SLC8B1: variants seen among roughly 807,000 people sequenced by gnomAD.
SLC8B1 encodes the protein mitochondrial sodium/calcium exchanger protein.
SLC8B1 carries 52 observed loss-of-function variants against 63.4 expected under a neutral mutation model. That is an observed-to-expected ratio of 0.82 (90% CI 0.66 to 1.03). SLC8B1 has a LOEUF of 1.03. Among genes scored for constraint, SLC8B1 ranks in the 50% least tolerant of loss-of-function variants. The probability of loss-of-function intolerance (pLI) is 0.00; values close to 1 mark genes in which losing one functional copy is unlikely to be tolerated. For synonymous variants in SLC8B1, 336 were observed against 323.9 expected (o/e 1.04, Z -0.40); for missense variants, 657 against 741.7 (o/e 0.89, Z 1.33).
chr12:113,301,847 G>A (rs374469556), intron 15 of SLC8B1, among the ~76,000 whole-genome samples: 14 of 152,186 alleles, frequency 9.2e-5, no homozygotes, highest in East Asian at 3.9e-4. Context: ...GCAGCACTGG[G>A]CCTGGCACCT....
At position 113,299,709 on chromosome 12, in the gene SLC8B1, T is replaced by G; in HGVS notation, c.*68A>C. On this transcript the variant is annotated 3_prime_UTR_variant, in exon 16 of 16. Transcript: ENST00000680972. Reference sequence around the variant, plus strand: ...GGCCTTGCAGAAATGCTCCGGTCCCTGGGCCTCCCCCGGCAGGAGGGGCGG... The same window carrying G: ...GGCCTTGCAGAAATGCTCCGGTCCCGGGGCCTCCCCCGGCAGGAGGGGCGG... 3 of 1,526,126 alleles carry G rather than the reference T, an allele frequency of 2.0e-6. No homozygotes were observed. Among genetic ancestry groups the G allele is most frequent in the Non-Finnish European group, 2.7e-6 (3 of 1,102,592 alleles). The allele number at this position is 1,526,126 out of a possible 1,614,324, so 94.5% of individuals were successfully genotyped here.
At chr12:113,328,425 AC>A (rs1344692273) in intron 2 of SLC8B1, among the ~76,000 whole-genome samples, 17 of 151,690 alleles carry the variant, frequency 1.1e-4, no homozygotes, top group Non-Finnish European at 2.1e-4. Flanking sequence ...CTGGCCTCCT[AC>A]CCCCAATCTT....
At position 113,305,478 on chromosome 12, in the gene SLC8B1, G is replaced by A. The variant is rs763356214; in HGVS notation, c.1492+1017C>T. Among the ~76,000 whole-genome samples the A allele has an allele frequency of 3.3e-5, 5 of 152,214 alleles. No homozygotes were observed. The highest frequency in any genetic ancestry group is 1.9e-4 in the East Asian group (1 of 5,196). On this transcript the variant is annotated intron_variant, in intron 14 of 15. Coordinates refer to ENST00000680972, the MANE Select transcript of SLC8B1 (RefSeq NM_001358345.2). This position sits in a 1 kb window ranked among gnomAD's most constrained non-coding sequence, Gnocchi z 4.3. ...CAGCCAACAGTATCCACTGCTGGCC[G>A]AATGCCTGCCGTGCGCCAGGCACTG...
At chr12:113,328,031 T>C (rs867183383) in intron 2 of SLC8B1, among the ~76,000 whole-genome samples, 1 of 118,528 alleles carries the variant, frequency 8.4e-6, no homozygotes, top group East Asian at 2.0e-4. Flanking sequence ...TAATTATTTA[T>C]TTATTTATTT....
chr12:113,308,018 G>GT (rs1956700207), intron 12 of SLC8B1, 174 bp from the exon 13 acceptor site: 19 of 722,096 alleles, frequency 2.6e-5, no homozygotes, highest in Non-Finnish European at 3.8e-5. Flanking sequence ...TCAATAAAAC[G>GT]TGAGTTCAAT....
Position 113,305,594 on chromosome 12 carries a change from G to A in SLC8B1, c.1492+901C>T, listed in dbSNP as rs1956659797. Among the ~76,000 whole-genome samples, 1 of 152,200 alleles carries A rather than the reference G, an allele frequency of 6.6e-6. No homozygotes were observed. The highest frequency in any genetic ancestry group is 2.4e-5 in the African/African-American group (1 of 41,440). ...GTCTTTTCTATATAGACCAAAAGTT[G>A]GCAAACATCAGCCCTCCGGCCAAAT... is the stretch of plus-strand genomic sequence containing the variant. On this transcript the variant is annotated intron_variant, in intron 14 of 15. Transcript: ENST00000680972. This position sits in a 1 kb window ranked among gnomAD's most constrained non-coding sequence, Gnocchi z 4.3.
chr12:113,320,973 C>T lies in SLC8B1; in HGVS notation c.363-66G>A. On this transcript the variant is annotated intron_variant, in intron 4 of 15. Transcript: ENST00000680972. This position sits in a 1 kb window ranked among gnomAD's most constrained non-coding sequence, Gnocchi z 5.3. ...CGGCCCCGGACCCCTATCCTTCCCC[C>T]AAACTGAGGGTGACCGAATGTCAGC... The T allele has an allele frequency of 1.9e-6, 3 of 1,590,576 alleles. No individual in the cohort carries two copies. The highest frequency in any genetic ancestry group is 2.6e-6 in the Non-Finnish European group (3 of 1,169,198).
Position 113,310,294 on chromosome 12 carries a change from T to C in SLC8B1, c.1197A>G (p.Thr399=), listed in dbSNP as rs1163018563. 1.2e-6 allele frequency: 2 copies of C among 1,614,128 alleles called. No homozygotes were observed. The highest frequency in any genetic ancestry group is 1.6e-4 in the Middle Eastern group (1 of 6,062). Residue 399 remains threonine (T), a synonymous_variant, in exon 12 of 16, where the codon ACA becomes ACG. Transcript: ENST00000680972. ...PVWVVVVIAG[T]ALASVTFFAT... The stretch of plus-strand genomic sequence containing the variant: ...CAAAAAAGGTCACTGAAGCCAAGGC[T>C]GTGCCTGCGATCACCACCACGACCC...
intron 11 of SLC8B1, among the ~76,000 whole-genome samples, chr12:113,311,126 G>A (rs773893879): frequency 1.2e-4 from 18 of 152,204 alleles, no homozygotes; most frequent in Non-Finnish European, 8.8e-5. Context: ...ACCAGCCTGG[G>A]CAACATGGTG....
intron 9 of SLC8B1, 48 bp from the exon 10 acceptor site, chr12:113,316,704 C>G: frequency 6.2e-7 from 1 of 1,602,290 alleles, no homozygotes; most frequent in Non-Finnish European, 8.5e-7. Context: ...CTGACTTGCT[C>G]TCCAGGAAAC....
chr12:113,328,153 T>C (rs1443568267), intron 2 of SLC8B1, among the ~76,000 whole-genome samples: 1 of 152,110 alleles, frequency 6.6e-6, no homozygotes, highest in African/African-American at 2.4e-5. Flanking sequence ...TACCTCAGCC[T>C]CCTGAGTAGC....
rs564377365 is a variant in SLC8B1 at position 113,321,271 on chromosome 12, C to T, written c.234G>A (p.Gly78=). ...TGCCTTCCAGGTAGTCCAGGTACCCCCCATCACTGTGGCAGTCAGGGTTGG... is the reference window on the plus strand; with the variant it reads ...TGCCTTCCAGGTAGTCCAGGTACCCTCCATCACTGTGGCAGTCAGGGTTGG... ...IRTNPDCHSD[G]GYLDYLEGIF... The change falls in exon 3 of 16, where the codon GGG becomes GGA. Residue 78 remains glycine (G), a synonymous_variant. Coordinates refer to ENST00000680972, the MANE Select transcript of SLC8B1 (RefSeq NM_001358345.2). 5.2e-5 allele frequency: 84 copies of T among 1,614,150 alleles called. 1 individual carries two copies. The Middle Eastern group carries it at 1.6e-3, about 32-fold the overall frequency.
In SLC8B1 at chr12:113,316,519, C is replaced by T; in HGVS notation, c.993+7G>A. 6.2e-7 allele frequency: 1 copy of T among 1,613,430 alleles called. No individual in the cohort carries two copies. On this transcript the variant is annotated splice_region_variant and intron_variant, in intron 10 of 15. Coordinates refer to ENST00000680972, the MANE Select transcript of SLC8B1 (RefSeq NM_001358345.2). ...AGGCTGTGAGCCTGGCTCCAGGACC[C>T]TCCTACCTTGAACACCTTGAGGGCT...
At position 113,305,159 on chromosome 12, in the gene SLC8B1, G is replaced by A. The variant is rs577231762; in HGVS notation, c.1493-774C>T. On this transcript the variant is annotated intron_variant, in intron 14 of 15. Coordinates refer to ENST00000680972, the MANE Select transcript of SLC8B1 (RefSeq NM_001358345.2). This position sits in a 1 kb window ranked among gnomAD's most constrained non-coding sequence, Gnocchi z 4.3. The stretch of plus-strand genomic sequence containing the variant: ...CAGTCCCTAGAGGGAACTGGTGATA[G>A]TGTGTGGGCCGAGGCCATCTCTAGG... Among the ~76,000 whole-genome samples, 31 of 152,378 alleles carry A rather than the reference G, an allele frequency of 2.0e-4. No homozygotes were observed. Among genetic ancestry groups the A allele is most frequent in the South Asian group, 4.1e-4 (2 of 4,830 alleles).
intron 2 of SLC8B1, 141 bp downstream of exon 2, chr12:113,332,582 A>G: frequency 1.0e-6 from 1 of 1,004,676 alleles, no homozygotes; most frequent in Non-Finnish European, 1.4e-6. Flanking sequence ...GCTTCTTGAG[A>G]GTAGTGAATT....
At chr12:113,323,218 T>C (rs1333156948) in intron 2 of SLC8B1, among the ~76,000 whole-genome samples, 4 of 152,130 alleles carry the variant, frequency 2.6e-5, no homozygotes, top group Admixed American at 1.3e-4. Flanking sequence ...CCCACCAAAA[T>C]AGTACAGTCC....
At chr12:113,317,141 C>G in intron 8 of SLC8B1, 140 bp from the exon 9 acceptor site, 1 of 774,190 alleles carries the variant, frequency 1.3e-6, no homozygotes, top group East Asian at 2.7e-5. Flanking sequence ...TCTCTGTCAC[C>G]CAGGCTGGAG....
Position 113,320,509 on chromosome 12 carries a change from G to A in SLC8B1, c.527-11C>T. 1.9e-6 allele frequency: 3 copies of A among 1,614,028 alleles called. No individual in the cohort carries two copies. Among genetic ancestry groups the A allele is most frequent in the African/African-American group, 1.3e-5 (1 of 75,058 alleles). ...CCAGCACGCCAGCGCCTGGGGGGAG[G>A]AGGCCAGAGCTCAGCCACCCTGCAC... On this transcript the variant is annotated splice_polypyrimidine_tract_variant and intron_variant, in intron 6 of 15. Coordinates refer to ENST00000680972, the MANE Select transcript of SLC8B1 (RefSeq NM_001358345.2). The surrounding 1 kb of genome is among the most constrained non-coding windows in gnomAD (Gnocchi z 5.3).
intron 15 of SLC8B1, among the ~76,000 whole-genome samples, chr12:113,300,965 G>A (rs576137360): frequency 3.3e-5 from 5 of 152,178 alleles, no homozygotes; most frequent in South Asian, 2.1e-4. Context: ...GTGAAACCCC[G>A]TCTCTATTAA....
Sources: allele counts gnomAD v4.1 joint callset (sites outside exome capture counted in the v4.1 genomes callset), GRCh38; gene constraint gnomAD v4.1.1; non-coding constraint Gnocchi (gnomAD v3.1); transcripts MANE v1.5; gene names NCBI Gene and HGNC (gene_info 2026-07-23, HGNC 2026-07-21).